The following WASHC4 variants were observed in gnomAD, a reference collection of about 807,000 sequenced individuals.
The protein encoded by WASHC4 is WASH complex subunit 4, also known as WASH complex subunit 7.
Under a neutral mutation model 166.6 loss-of-function variants are expected in WASHC4, and 86 were observed. The ratio of observed to expected loss-of-function variants is 0.52; its 90% CI spans 0.43 to 0.62. The LOEUF is 0.62. WASHC4 is among the 20% of genes least tolerant of loss of function. The probability of loss-of-function intolerance (pLI) is 0.00; values close to 1 mark genes in which losing one functional copy is unlikely to be tolerated. For missense variants in WASHC4, 1,262 were observed against 1,382.4 expected (o/e 0.91, Z 1.38); for synonymous variants, 446 against 451.6 (o/e 0.99, Z 0.16).
At chr12:105,131,379 C>T (rs1881806545) in intron 13 of WASHC4, among the ~76,000 whole-genome samples, 1 of 152,182 alleles carries the variant, frequency 6.6e-6, no homozygotes, top group Non-Finnish European at 1.5e-5. Context: ...AGCCACCGCG[C>T]CCGGCCTGTT....
At position 105,111,250 on chromosome 12, in the gene WASHC4, C is replaced by A; in HGVS notation, c.187C>A (p.Pro63Thr). The A allele has an allele frequency of 6.2e-7, 1 of 1,606,520 alleles. No homozygotes were observed. Among genetic ancestry groups the A allele is most frequent in the South Asian group, 1.1e-5 (1 of 90,814 alleles). The change falls in exon 2 of 33, where the codon CCT (proline) becomes ACT (threonine). Residue 63 changes from proline to threonine, a missense_variant. Pro to Thr is a conservative substitution (Grantham distance 38). Transcript: ENST00000332180. ...IGDVWDFNLD[P>T]IALKLLPYEQ... is the part of the protein sequence containing the mutation. Reference sequence around the variant, plus strand: ...AGATGTTTGGGATTTCAATCTTGATCCTATAGCATTAAAGGTTTGATTTGA... The same window carrying A: ...AGATGTTTGGGATTTCAATCTTGATACTATAGCATTAAAGGTTTGATTTGA...
Position 105,144,779 on chromosome 12 carries a change from C to T in WASHC4, c.2241C>T (p.Asp747=), listed in dbSNP as rs1182823051. Residue 747 remains aspartate (D), a synonymous_variant, in exon 22 of 33, where the codon GAC becomes GAT. Transcript: ENST00000332180. ...FYNLTTVALH[D]WATYSEMRNL... ...ATCTAACAACTGTAGCCCTTCATGA[C>T]TGGGCCACTTATAGTGAGATGAGAA... 5 of 1,612,310 alleles carry T rather than the reference C, an allele frequency of 3.1e-6. No individual in the cohort carries two copies. In the East Asian group the frequency reaches 6.7e-5, roughly 22 times the overall value.
intron 2 of WASHC4, among the ~76,000 whole-genome samples, chr12:105,113,259 C>T (rs901944903): frequency 3.3e-5 from 5 of 151,960 alleles, no homozygotes; most frequent in South Asian, 2.1e-4. Context: ...TGGGCTTTCT[C>T]GCCATTAAGT....
intron 13 of WASHC4, among the ~76,000 whole-genome samples, chr12:105,129,994 C>A (rs1331142697): frequency 6.6e-6 from 1 of 152,144 alleles, no homozygotes; most frequent in African/African-American, 2.4e-5. Flanking sequence ...ATTCCAGGAA[C>A]TTGACACATA....
Position 105,148,431 on chromosome 12 carries a change from G to C in WASHC4, c.2515-1184G>C, listed in dbSNP as rs1445727078. On this transcript the variant is annotated intron_variant, in intron 24 of 32. Coordinates refer to ENST00000332180, the MANE Select transcript of WASHC4 (RefSeq NM_015275.3). The stretch of plus-strand genomic sequence containing the variant: ...CTAGTGTGAGAAAAACACATTTCCT[G>C]CTTTCACAGTAATCACAGGGATATA... The C allele has an allele frequency of 1.1e-5, 11 of 985,204 alleles. No individual in the cohort carries two copies. The South Asian group carries it at 5.2e-4, about 46-fold the overall frequency. 61.0% of individuals were successfully genotyped at this position (985,204 alleles called of 1,614,324 possible). A position where few individuals can be genotyped will look rare whatever the true frequency, so the allele number is the denominator to read the frequency against.
chr12:105,148,329 C>G, intron 24 of WASHC4: 1 of 985,346 alleles, frequency 1.0e-6, no homozygotes. Context: ...GTAAACTCTT[C>G]CTTGACTTCT....
Position 105,127,289 on chromosome 12 carries a change from A to C in WASHC4, c.1199A>C (p.Lys400Thr), listed in dbSNP as rs769437931. The C allele has an allele frequency of 3.8e-6, 6 of 1,595,386 alleles. No individual in the cohort carries two copies. Among genetic ancestry groups the C allele is most frequent in the Non-Finnish European group, 5.2e-6 (6 of 1,163,322 alleles). ...CAACAGAAAGCTCAATCACTTACCA[A>C]GTAGGTTTTATAAACAAGTATAATG... is the stretch of plus-strand genomic sequence containing the variant. The part of the protein sequence containing the change: ...FLQQKAQSLT[K>T]DVQSYYVFVS... Residue 400 changes from lysine (K) to threonine (T), a missense_variant and splice_region_variant, in exon 13 of 33, where the codon AAA becomes ACA. Transcript: ENST00000332180.
intron 32 of WASHC4, among the ~76,000 whole-genome samples, chr12:105,165,866 A>G (rs1884780245): frequency 6.6e-6 from 1 of 152,238 alleles, no homozygotes; most frequent in South Asian, 2.1e-4. Context: ...ATATTAAATG[A>G]AAATTTATAC....
rs749210503 is a variant in WASHC4, at chr12:105,114,245, G to A, written c.231G>A (p.Leu77=). The change falls in exon 3 of 33, where the codon TTG becomes TTA. Residue 77 remains leucine, a synonymous_variant. Transcript: ENST00000332180. ...TGCCTTATGAACAGTCCTCTCTTTT[G>A]GAACTCATAAAGACTGAAAACAAGG... ...KLLPYEQSSL[L]ELIKTENKVL... 4.3e-6 allele frequency: 7 copies of A among 1,610,066 alleles called. No homozygotes were observed. In the African/African-American group the frequency reaches 6.7e-5, roughly 15 times the overall value.
intron 24 of WASHC4, chr12:105,148,637 GGA>G (rs754802047): frequency 4.0e-4 from 390 of 985,106 alleles, no homozygotes; most frequent in Admixed American, 2.4e-3. Context: ...GAAAAAACAA[GGA>G]GAGAGTACAA....
intron 15 of WASHC4, among the ~76,000 whole-genome samples, chr12:105,140,064 G>C (rs543007095): frequency 1.3e-5 from 2 of 152,004 alleles, no homozygotes; most frequent in African/African-American, 4.8e-5. Context: ...GTAGAGACAG[G>C]GTTTCACTAT....
At chr12:105,144,551 G>A (rs1233653020) in intron 21 of WASHC4, 96 bp downstream of exon 21, 1 of 1,218,360 alleles carries the variant, frequency 8.2e-7, no homozygotes, top group Non-Finnish European at 1.2e-6. Context: ...TTTAAATTTT[G>A]TGTTGTTATT....
In WASHC4 at chr12:105,144,326, C is replaced by T; in HGVS notation, c.2050C>T (p.Leu684=). 6.2e-7 allele frequency: 1 copy of T among 1,613,080 alleles called. No homozygotes were observed. The highest frequency in any genetic ancestry group is 2.2e-5 in the East Asian group (1 of 44,846). The part of the protein sequence containing the change: ...DKLCKEIEKD[L]RLSVHTHLKL... ...ATTATGCAAAGAAATAGAGAAAGATCTGCGACTTTCTGTGCATACTCATTT... is the reference window on the plus strand; with the variant it reads ...ATTATGCAAAGAAATAGAGAAAGATTTGCGACTTTCTGTGCATACTCATTT... Residue 684 remains leucine (L), a synonymous_variant, in exon 21 of 33, where the codon CTG becomes TTG. Coordinates refer to ENST00000332180, the MANE Select transcript of WASHC4 (RefSeq NM_015275.3).
chr12:105,140,750 G>A (rs1272985433), intron 16 of WASHC4, 149 bp from the exon 17 acceptor site: 5 of 772,556 alleles, frequency 6.5e-6, no homozygotes, highest in Non-Finnish European at 1.1e-5. Flanking sequence ...TATTACAGAA[G>A]TAAAGTATAA....
chr12:105,152,305 A>C (rs1883830954), intron 25 of WASHC4, 38 bp from the exon 26 acceptor site: 1 of 1,036,252 alleles, frequency 9.7e-7, no homozygotes, highest in Non-Finnish European at 1.5e-6. Flanking sequence ...GTGCTTTAGA[A>C]ATCTTTATTA....
At position 105,160,158 on chromosome 12, in the gene WASHC4, T is replaced by G. The variant is rs1483915291; in HGVS notation, c.3060+10T>G. Reference sequence around the variant, plus strand: ...AATTGTTCCCCCTCTGGTGAGTATTTCCAGAACCTAAAATGAATTTTTTTT... The same window carrying G: ...AATTGTTCCCCCTCTGGTGAGTATTGCCAGAACCTAAAATGAATTTTTTTT... On this transcript the variant is annotated intron_variant, in intron 29 of 32. Transcript: ENST00000332180. 1.2e-6 allele frequency: 2 copies of G among 1,610,214 alleles called. No individual in the cohort carries two copies. Among genetic ancestry groups the G allele is most frequent in the Non-Finnish European group, 1.7e-6 (2 of 1,176,958 alleles).
chr12:105,107,924 C>T lies in WASHC4; in HGVS notation c.61+63C>T, dbSNP rs1592830295. 1.3e-5 allele frequency: 16 copies of T among 1,237,814 alleles called. No homozygotes were observed. The East Asian group carries it at 3.3e-4, about 25-fold the overall frequency. 76.7% of individuals were successfully genotyped at this position (1,237,814 alleles called of 1,614,324 possible). A position where few individuals can be genotyped will look rare whatever the true frequency, so the allele number is the denominator to read the frequency against. Reference sequence around the variant, plus strand: ...TCCTTCGGCCCGCCGCTGTTCTGGGCTGGGCAGCGCTCCTGCGAGAGGGAC... The same window carrying T: ...TCCTTCGGCCCGCCGCTGTTCTGGGTTGGGCAGCGCTCCTGCGAGAGGGAC... On this transcript the variant is annotated intron_variant, in intron 1 of 32. Coordinates refer to ENST00000332180, the MANE Select transcript of WASHC4 (RefSeq NM_015275.3).
chr12:105,129,014 C>T (rs773287557), intron 13 of WASHC4, among the ~76,000 whole-genome samples: 9 of 148,372 alleles, frequency 6.1e-5, no homozygotes, highest in African/African-American at 7.5e-5. Flanking sequence ...GGTGTGATCT[C>T]GGCTCACTGC....
intron 1 of WASHC4, among the ~76,000 whole-genome samples, chr12:105,110,421 C>T (rs775474706): frequency 1.3e-5 from 2 of 152,140 alleles, no homozygotes; most frequent in African/African-American, 2.4e-5. Context: ...AATACTTTGA[C>T]GAATAGGCAT....
Sources: allele counts gnomAD v4.1 joint callset (sites outside exome capture counted in the v4.1 genomes callset), GRCh38; gene constraint gnomAD v4.1.1; transcripts MANE v1.5; gene names NCBI Gene and HGNC (gene_info 2026-07-23, HGNC 2026-07-21).